ZNF84: variants seen among roughly 807,000 people sequenced by gnomAD.
ZNF84 encodes the protein zinc finger protein HPF2.
Under a neutral mutation model 14.8 loss-of-function variants are expected in ZNF84, and 12 were observed. The ratio of observed to expected loss-of-function variants is 0.81; its 90% CI spans 0.52 to 1.31. The LOEUF is 1.31. Among genes scored for constraint, ZNF84 ranks in the 50% most tolerant of loss-of-function variants. ZNF84 has a pLI of 0.00. For missense variants in ZNF84, 859 were observed against 878.6 expected, an observed-to-expected ratio of 0.98 and a Z score of 0.28; for synonymous variants, 347 against 291.1, an observed-to-expected ratio of 1.19 and a Z score of -1.96.
At chr12:133,050,737 AC>A (rs1228869124) in intron 4 of ZNF84, among the ~76,000 whole-genome samples, 1 of 151,988 alleles carries the variant, frequency 6.6e-6, no homozygotes, top group African/African-American at 2.4e-5. Context: ...TTCCTTTACT[AC>A]CCCATCCTAC....
rs1428606448 is a variant in ZNF84, at chr12:133,060,764, A to T, written c.*1832A>T. The stretch of plus-strand genomic sequence containing the variant: ...GCATTATCCCCATGGAAAACTTCAC[A>T]TTGAGAACTTACCATTATATATTTC... On this transcript the variant is annotated 3_prime_UTR_variant, in exon 5 of 5. Coordinates refer to ENST00000539354, the MANE Select transcript of ZNF84 (RefSeq NM_001289971.2). The T allele has an allele frequency of 6.6e-6, 1 of 152,240 alleles. No individual in the cohort carries two copies. The highest frequency in any genetic ancestry group is 1.5e-5 in the Non-Finnish European group (1 of 68,032). 9.4% of individuals were successfully genotyped at this position (152,240 alleles called of 1,614,324 possible). A position where few individuals can be genotyped will look rare whatever the true frequency, so the allele number is the denominator to read the frequency against.
chr12:133,046,847 A>G (rs1368869567), intron 2 of ZNF84, among the ~76,000 whole-genome samples: 1 of 143,486 alleles, frequency 7.0e-6, no homozygotes, highest in Non-Finnish European at 1.5e-5. Flanking sequence ...TATATTTTAT[A>G]TTATATATAT....
At position 133,058,663 on chromosome 12, in the gene ZNF84, A is replaced by G. The variant is rs1287484965; in HGVS notation, c.1948A>G (p.Thr650Ala). Reference protein sequence around the residue: ...SSLINHQRIHTGEKPFECSEC... With the variant: ...SSLINHQRIHAGEKPFECSEC... ...TCTCATCAATCATCAGAGAATACAT[A>G]CAGGAGAGAAGCCTTTTGAATGCAG... The change falls in exon 5 of 5, where the codon ACA (threonine) becomes GCA (alanine). Residue 650 changes from threonine (T) to alanine (A), a missense_variant. Coordinates refer to ENST00000539354, the MANE Select transcript of ZNF84 (RefSeq NM_001289971.2). 8.7e-6 allele frequency: 14 copies of G among 1,614,038 alleles called. No individual in the cohort carries two copies. Among genetic ancestry groups the G allele is most frequent in the Non-Finnish European group, 1.1e-5 (13 of 1,180,030 alleles).
chr12:133,052,804 A>G (rs1032366759), intron 4 of ZNF84, among the ~76,000 whole-genome samples: 25 of 152,258 alleles, frequency 1.6e-4, no homozygotes, highest in Non-Finnish European at 3.1e-4. Context: ...ACAGAGAATG[A>G]CATGGGAAAA....
intron 4 of ZNF84, among the ~76,000 whole-genome samples, chr12:133,054,603 G>A (rs1459867513): frequency 2.2e-5 from 3 of 134,518 alleles, no homozygotes; most frequent in African/African-American, 5.5e-5. Flanking sequence ...TTGAAAATGT[G>A]TTGCATTAAG....
rs1194038026 is a variant in ZNF84, at chr12:133,057,636, A to G, written c.921A>G (p.Ile307Met). 2.5e-6 allele frequency: 4 copies of G among 1,613,964 alleles called. No individual in the cohort carries two copies. The Admixed American group carries it at 6.7e-5, about 27-fold the overall frequency. ...GKAFSRKSHLISHWRTHTGEK... is the reference protein window; with the variant it reads ...GKAFSRKSHLMSHWRTHTGEK... ...CCTTCTCCCGGAAGTCACATCTCAT[A>G]TCGCATTGGAGAACACACACAGGAG... The change falls in exon 5 of 5, where the codon ATA becomes ATG. Residue 307 changes from isoleucine to methionine, a missense_variant. Ile to Met is a conservative substitution (Grantham distance 10). Coordinates refer to ENST00000539354, the MANE Select transcript of ZNF84 (RefSeq NM_001289971.2).
chr12:133,057,332 T>G lies in ZNF84; in HGVS notation c.617T>G (p.Leu206Arg). ...CATAGAAATCGTTTAGGGGAGAAAC[T>G]CTATGAATGCAGTGAATGTAGGAAG... ...IYHRNRLGEK[L>R]YECSECRKRF... Residue 206 changes from leucine (L) to arginine (R), a missense_variant, in exon 5 of 5, where the codon CTC (leucine) becomes CGC (arginine). Coordinates refer to ENST00000539354, the MANE Select transcript of ZNF84 (RefSeq NM_001289971.2). 3 of 1,613,506 alleles carry G rather than the reference T, an allele frequency of 1.9e-6. No homozygotes were observed. Among genetic ancestry groups the G allele is most frequent in the Non-Finnish European group, 2.5e-6 (3 of 1,179,908 alleles).
intron 4 of ZNF84, among the ~76,000 whole-genome samples, chr12:133,056,475 G>A (rs1028773258): frequency 3.7e-4 from 57 of 152,082 alleles, no homozygotes; most frequent in African/African-American, 8.7e-4. Context: ...GGATGGTCTC[G>A]ATCTCCCAAC....
intron 2 of ZNF84, 133 bp downstream of exon 2, chr12:133,041,615 A>G (rs1011402103): frequency 7.9e-6 from 7 of 886,304 alleles, no homozygotes; most frequent in Admixed American, 1.9e-5. Context: ...GATTGGAACA[A>G]AATTGGCACA....
In ZNF84 at chr12:133,058,150, A is replaced by G; in HGVS notation, c.1435A>G (p.Arg479Gly). Residue 479 changes from arginine to glycine, a missense_variant, in exon 5 of 5, where the codon AGA becomes GGA. By Grantham distance (125) the Arg-to-Gly change is moderately radical (BLOSUM62 -2). Transcript: ENST00000539354. ...SRKSQLVRHQ[R>G]THTGEKPYEC... is the part of the protein sequence containing the mutation. ...GAAATCACAGCTCGTTAGACATCAGAGAACTCATACGGGAGAAAAACCGTA... is the reference window on the plus strand; with the variant it reads ...GAAATCACAGCTCGTTAGACATCAGGGAACTCATACGGGAGAAAAACCGTA... 1 of 1,614,096 alleles carries G rather than the reference A, an allele frequency of 6.2e-7. No homozygotes were observed. The highest frequency in any genetic ancestry group is 8.5e-7 in the Non-Finnish European group (1 of 1,180,040).
intron 4 of ZNF84, among the ~76,000 whole-genome samples, chr12:133,049,329 C>A (rs1954036164): frequency 6.6e-6 from 1 of 152,172 alleles, no homozygotes; most frequent in East Asian, 1.9e-4. Context: ...TCTCTGATGC[C>A]CAAACGCCCC....
In ZNF84 at chr12:133,040,242, G is replaced by A. The variant is rs1953862546; in HGVS notation, c.-190-1036G>A. On this transcript the variant is annotated intron_variant, in intron 1 of 4. Coordinates refer to ENST00000539354, the MANE Select transcript of ZNF84 (RefSeq NM_001289971.2). ...CTAAGATTTTTAGTGTAGTTGACCA[G>A]ATGATAACATACCACGTAAATACCA... Among the ~76,000 whole-genome samples the A allele has an allele frequency of 1.3e-5, 2 of 151,976 alleles. 1 individual carries two copies. Among genetic ancestry groups the A allele is most frequent in the African/African-American group, 4.8e-5 (2 of 41,350 alleles).
intron 1 of ZNF84, chr12:133,038,925 C>A (rs946095396): frequency 1.3e-5 from 2 of 151,980 alleles, no homozygotes; most frequent in Admixed American, 6.5e-5. Flanking sequence ...GGGAAAAAAA[C>A]AAAAACAGCT....
In ZNF84 at chr12:133,059,578, A is replaced by G. The variant is rs1455333524; in HGVS notation, c.*646A>G. Reference sequence around the variant, plus strand: ...AGTGTGAAGTTTTAAAAATACGTGAATAAATTGGTTATTGAAACATCTAAG... The same window carrying G: ...AGTGTGAAGTTTTAAAAATACGTGAGTAAATTGGTTATTGAAACATCTAAG... On this transcript the variant is annotated 3_prime_UTR_variant, in exon 5 of 5. Coordinates refer to ENST00000539354, the MANE Select transcript of ZNF84 (RefSeq NM_001289971.2). The G allele has an allele frequency of 6.6e-6, 1 of 152,274 alleles. No individual in the cohort carries two copies. The allele number at this position is 152,274 out of a possible 1,614,324, so 9.4% of individuals were successfully genotyped here.
chr12:133,059,008 G>A lies in ZNF84; in HGVS notation c.*76G>A, dbSNP rs1435149257. On this transcript the variant is annotated 3_prime_UTR_variant, in exon 5 of 5. Coordinates refer to ENST00000539354, the MANE Select transcript of ZNF84 (RefSeq NM_001289971.2). ...GCAATTATGATAACGTTTGTAGACA[G>A]TCACGTCATGTTAGGTGTTTGTACT... 1 of 1,393,248 alleles carries A rather than the reference G, an allele frequency of 7.2e-7. No individual in the cohort carries two copies. The highest frequency in any genetic ancestry group is 1.4e-5 in the African/African-American group (1 of 69,604). The allele number at this position is 1,393,248 out of a possible 1,614,324, so 86.3% of individuals were successfully genotyped here. A position where few individuals can be genotyped will look rare whatever the true frequency, so the allele number is the denominator to read the frequency against.
chr12:133,055,942 T>TA (rs1161175957), intron 4 of ZNF84, among the ~76,000 whole-genome samples: 7 of 151,708 alleles, frequency 4.6e-5, no homozygotes, highest in East Asian at 1.9e-4. Flanking sequence ...TACAAAATAT[T>TA]AAAAAAAAAT....
At chr12:133,039,186 C>T (rs1953843103) in intron 1 of ZNF84, 4 of 152,096 alleles carry the variant, frequency 2.6e-5, no homozygotes, top group Admixed American at 2.6e-4. Flanking sequence ...GGAGTCATTT[C>T]TTGTATAACT....
chr12:133,059,365 G>A lies in ZNF84; in HGVS notation c.*433G>A. 1 of 215,140 alleles carries A rather than the reference G, an allele frequency of 4.6e-6. No individual in the cohort carries two copies. The highest frequency in any genetic ancestry group is 1.0e-4 in the East Asian group (1 of 9,838). The allele number at this position is 215,140 out of a possible 1,614,324, so 13.3% of individuals were successfully genotyped here. On this transcript the variant is annotated 3_prime_UTR_variant, in exon 5 of 5. Coordinates refer to ENST00000539354, the MANE Select transcript of ZNF84 (RefSeq NM_001289971.2). ...AAGTTCTATGAAAGTACTAAATATG[G>A]GACAGTGCAACAAGTAACGAGACTA...
chr12:133,053,466 G>T (rs116344554), intron 4 of ZNF84, among the ~76,000 whole-genome samples: 6,483 of 152,196 alleles, frequency 0.043, 461 homozygotes, highest in African/African-American at 0.15. Flanking sequence ...AGTGTCAATT[G>T]TGGGGGCTTG....
Sources: allele counts gnomAD v4.1 joint callset (sites outside exome capture counted in the v4.1 genomes callset), GRCh38; gene constraint gnomAD v4.1.1; transcripts MANE v1.5; gene names NCBI Gene and HGNC (gene_info 2026-07-23, HGNC 2026-07-21).